CDH4: variants seen among roughly 807,000 people sequenced by gnomAD.
The protein encoded by CDH4 is cadherin 4.
A neutral mutation model predicts 86.0 loss-of-function variants in CDH4; 33 were observed. The observed-to-expected ratio is 0.38, with a 90% CI of 0.29 to 0.51. CDH4 has a LOEUF of 0.51. CDH4 is among the 20% of genes least tolerant of loss of function. The pLI, the probability that CDH4 is intolerant of heterozygous loss-of-function variation, is 0.86. For missense variants in CDH4, 1,114 were observed against 1,307.4 expected (o/e 0.85, Z 2.28); for synonymous variants, 555 against 549.4 (o/e 1.01, Z -0.14).
intron 2 of CDH4, among the ~76,000 whole-genome samples, chr20:61,497,948 A>G (rs1014163581): frequency 1.3e-5 from 2 of 151,616 alleles, no homozygotes; most frequent in Non-Finnish European, 2.9e-5. Context: ...TCAGCAAACT[A>G]TTGCAAGGAC....
chr20:61,383,388 A>G (rs578009363), intron 2 of CDH4, among the ~76,000 whole-genome samples: 1 of 66,226 alleles, frequency 1.5e-5, no homozygotes, highest in Middle Eastern at 0.013. Flanking sequence ...GATATATATG[A>G]ATATATGATA....
intron 6 of CDH4, among the ~76,000 whole-genome samples, chr20:61,872,388 A>G (rs1461706105): frequency 6.6e-6 from 1 of 152,102 alleles, no homozygotes; most frequent in Non-Finnish European, 1.5e-5. Flanking sequence ...AGGAGAGGGA[A>G]GAACGTTCCA....
chr20:61,404,622 T>G (rs569351449), intron 2 of CDH4, among the ~76,000 whole-genome samples: 5 of 152,180 alleles, frequency 3.3e-5, no homozygotes, highest in African/African-American at 1.2e-4. Context: ...GCATTCTGTT[T>G]TCTTAAGGCC....
intron 9 of CDH4, among the ~76,000 whole-genome samples, chr20:61,914,125 C>T (rs936777355): frequency 2.0e-5 from 3 of 152,216 alleles, no homozygotes; most frequent in Non-Finnish European, 4.4e-5. Flanking sequence ...ACATCAGTGG[C>T]ACTGAGGCCA....
chr20:61,423,041 G>A (rs2085188917), intron 2 of CDH4, among the ~76,000 whole-genome samples: 1 of 152,184 alleles, frequency 6.6e-6, no homozygotes, highest in South Asian at 2.1e-4. Context: ...GTCGCAAACA[G>A]GATGGCTGAG....
intron 2 of CDH4, among the ~76,000 whole-genome samples, chr20:61,414,987 G>A (rs983974842): frequency 1.3e-5 from 2 of 152,206 alleles, no homozygotes; most frequent in East Asian, 1.9e-4. Context: ...CATCCCTCAC[G>A]GTGACTCCAA....
In CDH4 at chr20:61,544,579, G is replaced by T; in HGVS notation, c.170-198984G>T. Among the ~76,000 whole-genome samples the T allele has an allele frequency of 6.6e-6, 1 of 151,846 alleles. No homozygotes were observed. The highest frequency in any genetic ancestry group is 2.0e-4 in the East Asian group (1 of 5,102). On this transcript the variant is annotated intron_variant, in intron 2 of 15. Coordinates refer to ENST00000614565, the MANE Select transcript of CDH4 (RefSeq NM_001794.5). The surrounding 1 kb of genome is among the most constrained non-coding windows in gnomAD (Gnocchi z 6.5). ...CGGTGACGGGATCCCTGCGTTGACGGTGGCATGACCGTGTGTGATGGGATG... is the reference window on the plus strand; with the variant it reads ...CGGTGACGGGATCCCTGCGTTGACGTTGGCATGACCGTGTGTGATGGGATG...
intron 2 of CDH4, among the ~76,000 whole-genome samples, chr20:61,628,248 A>T (rs1251829798): frequency 6.6e-6 from 1 of 151,992 alleles, no homozygotes; most frequent in East Asian, 1.9e-4. Flanking sequence ...ACAGGTGCTG[A>T]GGTCTCGTAG....
chr20:61,428,147 G>A (rs1271246560), intron 2 of CDH4, among the ~76,000 whole-genome samples: 1 of 152,128 alleles, frequency 6.6e-6, no homozygotes, highest in East Asian at 1.9e-4. Flanking sequence ...CTGCTTCTGG[G>A]ATTCTTAACT....
At chr20:61,625,177 C>T (rs964033923) in intron 2 of CDH4, among the ~76,000 whole-genome samples, 10 of 152,108 alleles carry the variant, frequency 6.6e-5, no homozygotes, top group African/African-American at 2.4e-4. Context: ...GCACCTCTCC[C>T]GAGCTGTGCA....
intron 7 of CDH4, among the ~76,000 whole-genome samples, chr20:61,880,886 C>A (rs1448459631): frequency 1.3e-5 from 2 of 152,152 alleles, no homozygotes; most frequent in Non-Finnish European, 2.9e-5. Flanking sequence ...AGAAGAGGTG[C>A]CAGTGAGTTA....
intron 2 of CDH4, among the ~76,000 whole-genome samples, chr20:61,293,883 T>G (rs1242653946): frequency 6.6e-6 from 1 of 152,112 alleles, no homozygotes; most frequent in Non-Finnish European, 1.5e-5. Flanking sequence ...TGAGAACTGT[T>G]CGGCAGTGCC....
At chr20:61,352,342 G>A (rs182319368) in intron 2 of CDH4, among the ~76,000 whole-genome samples, 5 of 152,278 alleles carry the variant, frequency 3.3e-5, no homozygotes, top group Admixed American at 1.3e-4. Context: ...AAAAATCCCC[G>A]ATTAAAATTT....
intron 2 of CDH4, among the ~76,000 whole-genome samples, chr20:61,555,232 G>A (rs1266951831): frequency 6.6e-6 from 1 of 152,200 alleles, no homozygotes; most frequent in Non-Finnish European, 1.5e-5. Flanking sequence ...GCCTCCTTGT[G>A]AGTGGTTTCT....
chr20:61,861,357 C>G (rs751772521), intron 6 of CDH4, among the ~76,000 whole-genome samples: 1 of 152,224 alleles, frequency 6.6e-6, no homozygotes, highest in Non-Finnish European at 1.5e-5. Context: ...CTAAATGCCA[C>G]GACAGCCCCA....
chr20:61,931,948 G>A (rs1413051183), intron 13 of CDH4, among the ~76,000 whole-genome samples: 1 of 152,054 alleles, frequency 6.6e-6, no homozygotes, highest in South Asian at 2.1e-4. Flanking sequence ...TGACCCCCTC[G>A]GTACTGGGTG....
chr20:61,821,008 A>G (rs913621163), intron 4 of CDH4, among the ~76,000 whole-genome samples: 1 of 151,816 alleles, frequency 6.6e-6, no homozygotes, highest in Non-Finnish European at 1.5e-5. Flanking sequence ...TAGTTCTAGG[A>G]TTTGCGGGGC....
chr20:61,298,620 A>G (rs552580392), intron 2 of CDH4, among the ~76,000 whole-genome samples: 3 of 150,916 alleles, frequency 2.0e-5, no homozygotes, highest in African/African-American at 4.9e-5. Context: ...TTGAACAATA[A>G]CATTTTTTTT....
chr20:61,832,620 C>T (rs897292259), intron 4 of CDH4, among the ~76,000 whole-genome samples: 2 of 152,204 alleles, frequency 1.3e-5, no homozygotes, highest in Admixed American at 6.5e-5. Context: ...GCAGGGGACA[C>T]GCCAGACACT....
Sources: allele counts gnomAD v4.1 joint callset (sites outside exome capture counted in the v4.1 genomes callset), GRCh38; gene constraint gnomAD v4.1.1; non-coding constraint Gnocchi (gnomAD v3.1); transcripts MANE v1.5; gene names NCBI Gene and HGNC (gene_info 2026-07-23, HGNC 2026-07-21).